The following CACNA1C variants were observed in gnomAD, a reference collection of about 807,000 sequenced individuals.
The protein encoded by CACNA1C is voltage-dependent L-type calcium channel subunit alpha-1C.
In CACNA1C, 30 loss-of-function variants were observed where a neutral mutation model predicts 229.0. The ratio of observed to expected loss-of-function variants is 0.13; its 90% confidence interval spans 0.10 to 0.18. CACNA1C has a LOEUF of 0.18. CACNA1C is among the 10% of genes least tolerant of loss of function. The pLI is 1.00. For missense variants in CACNA1C, 1,658 were observed against 2,845.0 expected, an observed-to-expected ratio of 0.58 and a Z score of 9.49; for synonymous variants, 1,114 against 1,132.5, an observed-to-expected ratio of 0.98 and a Z score of 0.33.
intron 5 of CACNA1C, among the ~76,000 whole-genome samples, chr12:2,483,487 C>A (rs1321745856): frequency 1.3e-5 from 2 of 152,194 alleles, no homozygotes; most frequent in Non-Finnish European, 2.9e-5. Flanking sequence ...CTCCTGGGGG[C>A]AGGACAATGA....
intron 10 of CACNA1C, among the ~76,000 whole-genome samples, chr12:2,554,640 G>A (rs1306156391): frequency 1.3e-5 from 2 of 152,320 alleles, no homozygotes; most frequent in Admixed American, 1.3e-4. Context: ...CTCCTGGCTT[G>A]CGTCCTCTCA....
chr12:2,494,758 C>G (rs772250926), intron 7 of CACNA1C, among the ~76,000 whole-genome samples: 6 of 152,232 alleles, frequency 3.9e-5, no homozygotes, highest in South Asian at 2.1e-4. Flanking sequence ...CCTGTTGATT[C>G]AGAATCCCTC....
chr12:2,113,672 G>A (rs544330862), intron 1 of CACNA1C, among the ~76,000 whole-genome samples: 1 of 152,288 alleles, frequency 6.6e-6, no homozygotes, highest in African/African-American at 2.4e-5. Flanking sequence ...TCTTATCTGC[G>A]GCTTTTCTTG....
In CACNA1C at chr12:1,987,028, T is replaced by C. The variant is rs558316190; in HGVS notation, c.139+15827T>C. The stretch of plus-strand genomic sequence containing the variant: ...TGGGGATAGAACGAAGGAGAGAAGC[T>C]ACAGAACCACTCCAGAATTAAGAAA... On this transcript the variant is annotated intron_variant, in intron 1 of 46. Transcript: ENST00000682462. Among the ~76,000 whole-genome samples, 16 of 152,270 alleles carry C rather than the reference T, an allele frequency of 1.1e-4. No individual in the cohort carries two copies. In the East Asian group the frequency reaches 1.3e-3, roughly 13 times the overall value.
chr12:2,314,662 A>G (rs1248750335), intron 3 of CACNA1C, among the ~76,000 whole-genome samples: 1 of 152,192 alleles, frequency 6.6e-6, no homozygotes, highest in Non-Finnish European at 1.5e-5. Flanking sequence ...CTGTAGTTTT[A>G]AAGTTGTTCA....
intron 11 of CACNA1C, among the ~76,000 whole-genome samples, chr12:2,565,638 G>A (rs1343088705): frequency 2.0e-5 from 3 of 152,186 alleles, no homozygotes; most frequent in Admixed American, 6.5e-5. Flanking sequence ...ACCAAGATAC[G>A]GGGAAGAGTC....
chr12:2,588,808 T>C (rs2063761489), intron 18 of CACNA1C, among the ~76,000 whole-genome samples: 1 of 152,192 alleles, frequency 6.6e-6, no homozygotes, highest in Admixed American at 6.5e-5. Context: ...ATTAATTTAT[T>C]TGAGTGAGCA....
chr12:2,170,061 C>A (rs1162807864), intron 3 of CACNA1C, among the ~76,000 whole-genome samples: 1 of 152,182 alleles, frequency 6.6e-6, no homozygotes, highest in Non-Finnish European at 1.5e-5. Flanking sequence ...GTTTTTTCCA[C>A]TCCTTTATCC....
intron 1 of CACNA1C, chr12:1,997,966 C>A (rs1275828150): frequency 6.2e-7 from 1 of 1,609,108 alleles, no homozygotes; most frequent in African/African-American, 1.3e-5. Flanking sequence ...CCTTCCACAT[C>A]AGTTTTCTCC....
In CACNA1C at chr12:2,067,475, T is replaced by TGTGTGTGC. The variant is rs1565478142; in HGVS notation, c.49+13866_49+13873dup. 7.5e-6 allele frequency among the ~76,000 whole-genome samples: 1 copy of TGTGTGTGC among 134,184 alleles called. No homozygotes were observed. Among genetic ancestry groups the TGTGTGTGC allele is most frequent in the Middle Eastern group, 3.8e-3 (1 of 262 alleles). The allele number at this position is 134,184 out of a possible 152,430, so 88.0% of individuals were successfully genotyped here. A position where few individuals can be genotyped will look rare whatever the true frequency, so the allele number is the denominator to read the frequency against. Reference sequence around the variant, plus strand: ...GTGTGTGTGTGTGTGTGTGTGTGTGTGTGTGTGCGCGCGTGTGCGTGCCTG... The same window carrying TGTGTGTGC: ...GTGTGTGTGTGTGTGTGTGTGTGTGTGTGTGTGCGTGTGTGCGCGCGTGTGCGTGCCTG... On this transcript the variant is annotated intron_variant, in intron 1 of 46. Transcript: ENST00000399655. The surrounding 1 kb of genome is among the most constrained non-coding windows in gnomAD (Gnocchi z 5.3).
chr12:2,004,191 T>TC lies in CACNA1C; in HGVS notation c.139+32995dup. The stretch of plus-strand genomic sequence containing the variant: ...CCACTTCCAGGGCGTCAACGTCTCC[T>TC]CCCCCTCACCGGGTCCTCAAGTCCT... On this transcript the variant is annotated intron_variant, in intron 1 of 46. Coordinates refer to the CACNA1C transcript ENST00000682462. 6 of 1,525,694 alleles carry TC rather than the reference T, an allele frequency of 3.9e-6. No individual in the cohort carries two copies. The South Asian group carries it at 7.1e-5, about 18-fold the overall frequency. 94.5% of individuals were successfully genotyped at this position (1,525,694 alleles called of 1,614,324 possible).
In CACNA1C at chr12:2,034,959, G is replaced by A. The variant is rs1247797130; in HGVS notation, c.139+63758G>A. On this transcript the variant is annotated intron_variant, in intron 1 of 46. Transcript: ENST00000682462. The surrounding 1 kb of genome is among the most constrained non-coding windows in gnomAD (Gnocchi z 4.1). ...TTAGGAGCTGGCGAGGCGAGGGGGT[G>A]AAGAGGAGAAGGAGGTCTGGGCACT... Among the ~76,000 whole-genome samples, 1 of 152,122 alleles carries A rather than the reference G, an allele frequency of 6.6e-6. No homozygotes were observed. Among genetic ancestry groups the A allele is most frequent in the East Asian group, 1.9e-4 (1 of 5,202 alleles).
intron 1 of CACNA1C, among the ~76,000 whole-genome samples, chr12:2,085,678 T>C (rs1054316198): frequency 6.6e-6 from 1 of 152,192 alleles, no homozygotes; most frequent in Non-Finnish European, 1.5e-5. Flanking sequence ...ACCTTCTAAC[T>C]AGATTCTGTA....
chr12:2,028,755 C>A (rs745740920), intron 1 of CACNA1C, among the ~76,000 whole-genome samples: 1 of 150,618 alleles, frequency 6.6e-6, no homozygotes, highest in Non-Finnish European at 1.5e-5. Flanking sequence ...GTATAAGTTA[C>A]TTACCTTCCT....
intron 3 of CACNA1C, among the ~76,000 whole-genome samples, chr12:2,320,521 C>T (rs746267112): frequency 1.3e-5 from 2 of 152,210 alleles, no homozygotes; most frequent in African/African-American, 2.4e-5. Context: ...TCACCCTCTG[C>T]CCCCGCTCCT....
intron 1 of CACNA1C, chr12:2,004,226 G>GC: frequency 1.3e-6 from 2 of 1,595,396 alleles, no homozygotes; most frequent in Non-Finnish European, 1.7e-6. Flanking sequence ...TGAGTCTGAC[G>GC]CCCCCCGCCT....
At chr12:2,074,610 G>C (rs118159389) in intron 1 of CACNA1C, among the ~76,000 whole-genome samples, 1 of 152,158 alleles carries the variant, frequency 6.6e-6, no homozygotes, top group Non-Finnish European at 1.5e-5. Flanking sequence ...GGCCCTCTCA[G>C]GGGGAGGAGA....
At chr12:2,553,330 A>T (rs2042350599) in intron 10 of CACNA1C, among the ~76,000 whole-genome samples, 1 of 152,242 alleles carries the variant, frequency 6.6e-6, no homozygotes, top group Non-Finnish European at 1.5e-5. Context: ...GTGGTATCTA[A>T]GGGTCCCTTC....
intron 3 of CACNA1C, among the ~76,000 whole-genome samples, chr12:2,235,340 G>A (rs2066931482): frequency 6.6e-6 from 1 of 152,120 alleles, no homozygotes; most frequent in Non-Finnish European, 1.5e-5. Flanking sequence ...ATTCAGCCGG[G>A]GTCCAACACA....
Sources: allele counts gnomAD v4.1 joint callset (sites outside exome capture counted in the v4.1 genomes callset), GRCh38; gene constraint gnomAD v4.1.1; non-coding constraint Gnocchi (gnomAD v3.1); transcripts MANE v1.5; gene names NCBI Gene and HGNC (gene_info 2026-07-23, HGNC 2026-07-21).